The following EGFR variants were observed in gnomAD, a reference collection of about 807,000 sequenced individuals.
EGFR encodes the protein epidermal growth factor receptor.
In EGFR, 58 loss-of-function variants were observed where a neutral mutation model predicts 143.0. That is an observed-to-expected ratio of 0.41 (90% CI 0.33 to 0.50). The LOEUF (loss-of-function observed/expected upper bound fraction) is 0.50. Among genes scored for constraint, EGFR ranks in the 20% least tolerant of loss-of-function variants. The pLI is 0.39. For missense variants in EGFR, 1,307 were observed against 1,579.0 expected (o/e 0.83, Z 2.92); for synonymous variants, 613 against 594.4 (o/e 1.03, Z -0.45).
chr7:55,074,842 TC>T (rs1466908148), intron 1 of EGFR, among the ~76,000 whole-genome samples: 1 of 152,254 alleles, frequency 6.6e-6, no homozygotes, highest in East Asian at 1.9e-4. Context: ...CACGGTGTTC[TC>T]TTTGGAAGAT....
chr7:55,052,887 T>C (rs989139183), intron 1 of EGFR, among the ~76,000 whole-genome samples: 14 of 152,168 alleles, frequency 9.2e-5, no homozygotes, highest in Admixed American at 3.3e-4. Flanking sequence ...TCTTGACTCA[T>C]CTTGACTTCT....
At position 55,150,480 on chromosome 7, in the gene EGFR, C is replaced by A. The variant is rs114914540; in HGVS notation, c.560-814C>A. ...AATCGTCAGCTTTTCTGTTTGAAAT[C>A]TAAATTCTTCCTGACTGCAGGGGAC... On this transcript the variant is annotated intron_variant, in intron 4 of 27. Coordinates refer to ENST00000275493, the MANE Select transcript of EGFR (RefSeq NM_005228.5). Among the ~76,000 whole-genome samples the A allele has an allele frequency of 1.5e-3, 221 of 152,300 alleles. 1 individual carries two copies. The highest frequency in any genetic ancestry group is 4.9e-3 in the African/African-American group (205 of 41,564).
intron 1 of EGFR, among the ~76,000 whole-genome samples, chr7:55,113,902 A>C (rs1418477373): frequency 1.3e-5 from 2 of 152,138 alleles, no homozygotes; most frequent in Non-Finnish European, 2.9e-5. Context: ...GGCTTTGAGC[A>C]GCTGCTGCCA....
At chr7:55,088,698 T>C (rs1790917015) in intron 1 of EGFR, among the ~76,000 whole-genome samples, 1 of 152,212 alleles carries the variant, frequency 6.6e-6, no homozygotes, top group Admixed American at 6.5e-5. Flanking sequence ...CTTAACCATG[T>C]GTCAACCCAT....
At chr7:55,161,434 G>A (rs1341325894) in intron 12 of EGFR, 65 bp from the exon 13 acceptor site, 62 of 1,562,332 alleles carry the variant, frequency 4.0e-5, no homozygotes, top group East Asian at 9.0e-5. Context: ...GGAAGGTGCC[G>A]TCTCCTCCGG....
intron 1 of EGFR, among the ~76,000 whole-genome samples, chr7:55,134,497 C>A (rs574944556): frequency 2.7e-4 from 41 of 152,360 alleles, no homozygotes; most frequent in African/African-American, 9.4e-4. Context: ...AAAATGGAAA[C>A]GTTATGAGAA....
intron 22 of EGFR, among the ~76,000 whole-genome samples, chr7:55,194,586 T>C (rs1787541090): frequency 6.6e-6 from 1 of 152,202 alleles, no homozygotes; most frequent in Non-Finnish European, 1.5e-5. Context: ...CACCTGGCCA[T>C]GACTGATGGG....
chr7:55,039,372 G>A (rs1056608418), intron 1 of EGFR, among the ~76,000 whole-genome samples: 2 of 152,218 alleles, frequency 1.3e-5, no homozygotes, highest in African/African-American at 4.8e-5. Flanking sequence ...GTGCAGAGAT[G>A]ACCAGGATGG....
intron 1 of EGFR, among the ~76,000 whole-genome samples, chr7:55,032,017 A>T (rs1307847096): frequency 6.6e-6 from 1 of 152,208 alleles, no homozygotes; most frequent in Non-Finnish European, 1.5e-5. Flanking sequence ...TTGGTCACCT[A>T]GTAGAAGTTT....
At chr7:55,115,859 T>C (rs1792807590) in intron 1 of EGFR, among the ~76,000 whole-genome samples, 1 of 152,188 alleles carries the variant, frequency 6.6e-6, no homozygotes, top group Non-Finnish European at 1.5e-5. Context: ...ACTATAATCA[T>C]CAGGACAACA....
At chr7:55,052,587 G>A (rs546082632) in intron 1 of EGFR, among the ~76,000 whole-genome samples, 1 of 152,344 alleles carries the variant, frequency 6.6e-6, no homozygotes, top group East Asian at 1.9e-4. Context: ...AGAAGCCTCA[G>A]GAAGCTTGCG....
intron 1 of EGFR, among the ~76,000 whole-genome samples, chr7:55,058,108 A>G (rs987378858): frequency 6.6e-6 from 1 of 152,224 alleles, no homozygotes; most frequent in Non-Finnish European, 1.5e-5. Flanking sequence ...TATTATAAAA[A>G]CACATGGCTG....
At chr7:55,168,476 A>T (rs1181460125) in intron 15 of EGFR, 3 of 1,104,074 alleles carry the variant, frequency 2.7e-6, no homozygotes, top group Admixed American at 3.4e-5. Context: ...GATTTAAATT[A>T]AAAATGTTAG....
At chr7:55,203,733 A>G (rs1489901256) in intron 27 of EGFR, among the ~76,000 whole-genome samples, 1 of 150,980 alleles carries the variant, frequency 6.6e-6, no homozygotes, top group Non-Finnish European at 1.5e-5. Flanking sequence ...CACACCACAC[A>G]CACCACAGAA....
At chr7:55,110,116 A>G (rs1185147976) in intron 1 of EGFR, among the ~76,000 whole-genome samples, 1 of 152,224 alleles carries the variant, frequency 6.6e-6, no homozygotes, top group Non-Finnish European at 1.5e-5. Flanking sequence ...TCCAGAGACA[A>G]CAAGTTTTGA....
intron 4 of EGFR, among the ~76,000 whole-genome samples, chr7:55,149,638 G>A (rs1434718662): frequency 6.6e-6 from 1 of 152,210 alleles, no homozygotes; most frequent in Middle Eastern, 3.4e-3. Context: ...TTCAAAGTAT[G>A]TATAGCTTTG....
chr7:55,184,639 T>A (rs1489406091), intron 20 of EGFR, among the ~76,000 whole-genome samples: 1 of 152,248 alleles, frequency 6.6e-6, no homozygotes, highest in Non-Finnish European at 1.5e-5. Flanking sequence ...TTCAATCTGT[T>A]ATTTAAAGCC....
rs538190159 is a variant in EGFR, at chr7:55,147,950, G to A, written c.559+1210G>A. On this transcript the variant is annotated intron_variant, in intron 4 of 27. Coordinates refer to ENST00000275493, the MANE Select transcript of EGFR (RefSeq NM_005228.5). ...CGAAGGTTTATCCATGCTGTAGCACGTGTTAAGAATGTCCTTCCTCTTCAT... is the reference window on the plus strand; with the variant it reads ...CGAAGGTTTATCCATGCTGTAGCACATGTTAAGAATGTCCTTCCTCTTCAT... 7.9e-5 allele frequency among the ~76,000 whole-genome samples: 12 copies of A among 152,336 alleles called. No homozygotes were observed. In the East Asian group the frequency reaches 1.5e-3, roughly 20 times the overall value.
intron 1 of EGFR, among the ~76,000 whole-genome samples, chr7:55,099,256 T>C (rs1329506707): frequency 6.6e-6 from 1 of 152,214 alleles, no homozygotes; most frequent in Non-Finnish European, 1.5e-5. Flanking sequence ...CTCACTCAAT[T>C]ACACAGAAGT....
Sources: gnomAD v4.1 joint callset for allele counts (sites outside exome capture counted in the v4.1 genomes callset) on GRCh38, gnomAD v4.1.1 for gene constraint, MANE v1.5 for transcripts, NCBI Gene and HGNC (gene_info 2026-07-23, HGNC 2026-07-21) for gene names.